The following PPP1R1C variants were observed in gnomAD, a reference collection of about 807,000 sequenced individuals.
PPP1R1C encodes protein phosphatase 1 regulatory subunit 1C.
In PPP1R1C, 15 loss-of-function variants were observed where a neutral mutation model predicts 17.4. The observed-to-expected ratio is 0.86, with a 90% CI of 0.58 to 1.33. The LOEUF is 1.33. Ranked by LOEUF, PPP1R1C falls within the 40% of genes most tolerant of loss-of-function variation. The probability of loss-of-function intolerance (pLI) is 0.00; values close to 1 mark genes in which losing one functional copy is unlikely to be tolerated. For synonymous variants in PPP1R1C, 35 were observed against 43.1 expected, an observed-to-expected ratio of 0.81 and a Z score of 0.73; for missense variants, 143 against 130.0, an observed-to-expected ratio of 1.10 and a Z score of -0.48.
rs956173483 is a variant in PPP1R1C at position 181,967,647 on chromosome 2, T to TCCTC, written n.112-7558_112-7555dup. Among the ~76,000 whole-genome samples the TCCTC allele has an allele frequency of 6.6e-6, 1 of 152,028 alleles. No homozygotes were observed. The highest frequency in any genetic ancestry group is 2.4e-5 in the African/African-American group (1 of 41,402). Reference sequence around the variant, plus strand: ...TTGTTATCAATTTTCCTTCCTTCCTTCCTCCCTCCCTCCCTCCTTCTCTCT... The same window carrying TCCTC: ...TTGTTATCAATTTTCCTTCCTTCCTTCCTCCCTCCCTCCCTCCCTCCTTCTCTCT... On this transcript the variant is annotated intron_variant and non_coding_transcript_variant, in intron 1 of 5. Coordinates refer to the PPP1R1C transcript ENST00000464264. The surrounding 1 kb of genome is among the most constrained non-coding windows in gnomAD (Gnocchi z 5.5).
At chr2:182,076,355 C>G (rs1355421037) in intron 4 of PPP1R1C, among the ~76,000 whole-genome samples, 3 of 145,656 alleles carry the variant, frequency 2.1e-5, no homozygotes, top group Non-Finnish European at 3.0e-5. Context: ...CTACCACGCC[C>G]GACTAATTTT....
chr2:182,003,222 A>C (rs1480532580), intron 2 of PPP1R1C, among the ~76,000 whole-genome samples: 1 of 152,152 alleles, frequency 6.6e-6, no homozygotes, highest in African/African-American at 2.4e-5. Context: ...TCCAAACAGT[A>C]GTCTTGTATT....
rs11894897 is a variant in PPP1R1C at position 182,017,583 on chromosome 2, T to A, written c.142+29684T>A. Among the ~76,000 whole-genome samples, 1,161 of 152,218 alleles carry A rather than the reference T, an allele frequency of 7.6e-3. 14 individuals are homozygous for A. Among genetic ancestry groups the A allele is most frequent in the African/African-American group, 0.026 (1,080 of 41,556 alleles). On this transcript the variant is annotated intron_variant, in intron 2 of 4. Coordinates refer to ENST00000682840, the MANE Select transcript of PPP1R1C (RefSeq NM_001080545.3). ...AGAATATAGGGGTGAATTGAAATAATTTTTCACTTATTTAATCAATTAATA... is the reference window on the plus strand; with the variant it reads ...AGAATATAGGGGTGAATTGAAATAAATTTTCACTTATTTAATCAATTAATA...
chr2:182,069,554 T>C (rs1002044016), intron 4 of PPP1R1C, among the ~76,000 whole-genome samples: 1 of 152,120 alleles, frequency 6.6e-6, no homozygotes, highest in Non-Finnish European at 1.5e-5. Context: ...CATGGATTAT[T>C]AGGTTAAAAG....
At chr2:182,045,709 T>A (rs1325614806) in intron 2 of PPP1R1C, among the ~76,000 whole-genome samples, 3 of 152,154 alleles carry the variant, frequency 2.0e-5, no homozygotes, top group Non-Finnish European at 4.4e-5. Context: ...ACAATTATTT[T>A]GAAATTTGCA....
intron 4 of PPP1R1C, among the ~76,000 whole-genome samples, chr2:182,096,021 A>T (rs1243927459): frequency 1.3e-5 from 2 of 151,858 alleles, no homozygotes; most frequent in Non-Finnish European, 2.9e-5. Flanking sequence ...GTAGTACCTG[A>T]TACCCCATAA....
At chr2:182,004,718 G>A (rs1381062462) in intron 2 of PPP1R1C, among the ~76,000 whole-genome samples, 1 of 152,192 alleles carries the variant, frequency 6.6e-6, no homozygotes, top group Non-Finnish European at 1.5e-5. Context: ...TTTTCAGCAG[G>A]AGGGCTCACC....
chr2:182,109,587 G>A (rs80256033), intron 4 of PPP1R1C, among the ~76,000 whole-genome samples: 2,424 of 152,210 alleles, frequency 0.016, 36 homozygotes, highest in South Asian at 0.058. Flanking sequence ...TCAAGTTCCC[G>A]TTTGTTGGAA....
At chr2:182,078,353 G>C (rs1688376668) in intron 4 of PPP1R1C, among the ~76,000 whole-genome samples, 1 of 152,114 alleles carries the variant, frequency 6.6e-6, no homozygotes, top group African/African-American at 2.4e-5. Context: ...GTAAAAAGCA[G>C]GCTCTAGATA....
intron 4 of PPP1R1C, among the ~76,000 whole-genome samples, chr2:182,116,841 T>A (rs1353999018): frequency 6.6e-6 from 1 of 152,134 alleles, no homozygotes; most frequent in African/African-American, 2.4e-5. Flanking sequence ...TTTCAATAGT[T>A]CTTGTTGTAA....
chr2:181,974,395 T>G (rs1685061718), intron 1 of PPP1R1C, among the ~76,000 whole-genome samples: 1 of 152,208 alleles, frequency 6.6e-6, no homozygotes. Context: ...TGTTAAAATA[T>G]TTCACAAAAC....
intron 2 of PPP1R1C, among the ~76,000 whole-genome samples, chr2:182,060,915 A>G (rs1022859661): frequency 4.6e-5 from 7 of 152,118 alleles, no homozygotes; most frequent in African/African-American, 1.7e-4. Flanking sequence ...GCACAATCAT[A>G]AGAAGCCACC....
chr2:182,088,494 A>G (rs973676740), intron 4 of PPP1R1C, among the ~76,000 whole-genome samples: 11 of 152,230 alleles, frequency 7.2e-5, no homozygotes, highest in African/African-American at 2.7e-4. Flanking sequence ...AAGCAGCCCC[A>G]TATGTGGAGT....
chr2:181,972,722 G>T (rs777059383), intron 1 of PPP1R1C, among the ~76,000 whole-genome samples: 32 of 152,074 alleles, frequency 2.1e-4, no homozygotes, highest in Non-Finnish European at 3.4e-4. Flanking sequence ...TGATTATGGG[G>T]TACATGGCCT....
intron 4 of PPP1R1C, among the ~76,000 whole-genome samples, chr2:182,102,663 G>A (rs1689132272): frequency 6.6e-6 from 1 of 152,004 alleles, no homozygotes. Context: ...TTCAATATGG[G>A]ATTTTGAAAA....
intron 4 of PPP1R1C, among the ~76,000 whole-genome samples, chr2:182,078,768 T>C (rs1265162454): frequency 1.3e-5 from 2 of 152,112 alleles, no homozygotes; most frequent in African/African-American, 4.8e-5. Flanking sequence ...CCTCAGAGAG[T>C]CATGTGAGTG....
chr2:181,988,988 CTT>C (rs1183596282), intron 2 of PPP1R1C, among the ~76,000 whole-genome samples: 1 of 152,116 alleles, frequency 6.6e-6, no homozygotes, highest in Non-Finnish European at 1.5e-5. Context: ...TAAATCTTAA[CTT>C]ACTTATATTT....
Position 181,962,163 on chromosome 2 carries a change from G to A in PPP1R1C, n.111+7529G>A, listed in dbSNP as rs897560778. The A allele has an allele frequency of 6.7e-6, 5 of 740,886 alleles. No homozygotes were observed. The highest frequency in any genetic ancestry group is 2.6e-4 in the Middle Eastern group (1 of 3,914). The allele number at this position is 740,886 out of a possible 1,614,324, so 45.9% of individuals were successfully genotyped here. On this transcript the variant is annotated intron_variant and non_coding_transcript_variant, in intron 1 of 5. Coordinates refer to the PPP1R1C transcript ENST00000464264. This position sits in a 1 kb window ranked among gnomAD's most constrained non-coding sequence, Gnocchi z 6.0. ...TCCCGGATTTTGCTCTCCAGCTTCC[G>A]GTTCTTGGTCTCCAGGCTCCTCACT...
intron 5 of PPP1R1C, among the ~76,000 whole-genome samples, chr2:182,123,715 G>T (rs372208610): frequency 2.0e-5 from 3 of 152,014 alleles, no homozygotes; most frequent in African/African-American, 7.2e-5. Flanking sequence ...TTTTTTTCTT[G>T]TAAATTTGTT....
Sources: allele counts gnomAD v4.1 joint callset (sites outside exome capture counted in the v4.1 genomes callset), GRCh38; gene constraint gnomAD v4.1.1; non-coding constraint Gnocchi (gnomAD v3.1); transcripts MANE v1.5; gene names NCBI Gene and HGNC (gene_info 2026-07-23, HGNC 2026-07-21).